MGRN1: variants seen among roughly 807,000 people sequenced by gnomAD.
MGRN1 encodes E3 ubiquitin-protein ligase MGRN1.
MGRN1 carries 29 observed loss-of-function variants against 69.2 expected under a neutral mutation model. The observed-to-expected ratio is 0.42, with a 90% CI of 0.31 to 0.57. The LOEUF is 0.57. MGRN1 is among the 20% of genes least tolerant of loss of function. The probability of loss-of-function intolerance (pLI) is 0.15; values close to 1 mark genes in which losing one functional copy is unlikely to be tolerated. For synonymous variants in MGRN1, 470 were observed against 344.2 expected, an observed-to-expected ratio of 1.37 and a Z score of -4.04; for missense variants, 998 against 796.2, an observed-to-expected ratio of 1.25 and a Z score of -3.05.
chr16:4,655,707 C>G (rs1202665179), intron 4 of MGRN1, among the ~76,000 whole-genome samples: 2 of 152,178 alleles, frequency 1.3e-5, no homozygotes, highest in Admixed American at 1.3e-4. Flanking sequence ...CAGCAGGGAT[C>G]ACAGAAAAGG....
At chr16:4,671,825 G>A (rs1376340531) in intron 9 of MGRN1, among the ~76,000 whole-genome samples, 1 of 152,202 alleles carries the variant, frequency 6.6e-6, no homozygotes, top group Non-Finnish European at 1.5e-5. Context: ...TATTCTGTAT[G>A]TCCATAGAAC....
rs191536018 is a variant in MGRN1 at position 4,668,484 on chromosome 16, C to T, written c.726+172C>T. Among the ~76,000 whole-genome samples, 578 of 151,800 alleles carry T rather than the reference C, an allele frequency of 3.8e-3. 3 individuals are homozygous for T. Among genetic ancestry groups the T allele is most frequent in the African/African-American group, 0.013 (555 of 41,378 alleles). On this transcript the variant is annotated intron_variant, in intron 8 of 16. Coordinates refer to ENST00000262370, the MANE Select transcript of MGRN1 (RefSeq NM_015246.4). ...ACATATATACGGACACACATACATACCATCAGACACTCACATTCACACATA... is the reference window on the plus strand; with the variant it reads ...ACATATATACGGACACACATACATATCATCAGACACTCACATTCACACATA...
At chr16:4,658,652 G>T (rs950790082) in intron 5 of MGRN1, among the ~76,000 whole-genome samples, 9 of 151,996 alleles carry the variant, frequency 5.9e-5, no homozygotes, top group African/African-American at 1.9e-4. Context: ...GGCCAGTCCT[G>T]TGGCTGTGTT....
chr16:4,642,173 C>G (rs1194400517), intron 1 of MGRN1, among the ~76,000 whole-genome samples: 1 of 151,378 alleles, frequency 6.6e-6, no homozygotes, highest in Non-Finnish European at 1.5e-5. Context: ...CTCTTTCGCC[C>G]AGGCTGGAGT....
intron 10 of MGRN1, among the ~76,000 whole-genome samples, chr16:4,675,201 G>GA (rs1445960190): frequency 6.6e-6 from 1 of 151,202 alleles, no homozygotes; most frequent in African/African-American, 2.4e-5. Context: ...TGAAGCTCCT[G>GA]ACCTCAAGTG....
At chr16:4,679,427 T>C (rs2079127411) in intron 11 of MGRN1, among the ~76,000 whole-genome samples, 1 of 152,154 alleles carries the variant, frequency 6.6e-6, no homozygotes, top group African/African-American at 2.4e-5. Context: ...CCGTCCTCTC[T>C]GCATGGAGCA....
chr16:4,681,577 GAGCCC>G lies in MGRN1; in HGVS notation c.1161_1165del (p.Glu387AspfsTer24). On this transcript the variant is annotated frameshift_variant, in exon 13 of 17. Transcript: ENST00000262370. LOFTEE classifies it high-confidence loss of function. ...CTCTGACAGCGTCCCACCTGGCTAC[GAGCCC>G]ATCTCGCTGCTCGAGGCGCTCAACG... 6.2e-7 allele frequency: 1 copy of G among 1,613,326 alleles called. No homozygotes were observed. The highest frequency in any genetic ancestry group is 8.5e-7 in the Non-Finnish European group (1 of 1,179,892).
Position 4,681,538 on chromosome 16 carries a change from C to G in MGRN1, c.1132-12C>G. Reference sequence around the variant, plus strand: ...CTGGGCATGAGCCCCCTCACGCACCCTGTCCCTACAGAACTCTGACAGCGT... The same window carrying G: ...CTGGGCATGAGCCCCCTCACGCACCGTGTCCCTACAGAACTCTGACAGCGT... On this transcript the variant is annotated splice_polypyrimidine_tract_variant and intron_variant, in intron 12 of 16. Coordinates refer to ENST00000262370, the MANE Select transcript of MGRN1 (RefSeq NM_015246.4). 5 of 1,607,768 alleles carry G rather than the reference C, an allele frequency of 3.1e-6. No homozygotes were observed. The highest frequency in any genetic ancestry group is 3.4e-6 in the Non-Finnish European group (4 of 1,176,042).
Position 4,690,243 on chromosome 16 carries a change from C to T in MGRN1, c.*1335C>T, listed in dbSNP as rs937635155. The T allele has an allele frequency of 2.0e-5, 3 of 152,234 alleles. No individual in the cohort carries two copies. The highest frequency in any genetic ancestry group is 1.9e-4 in the East Asian group (1 of 5,182). The allele number at this position is 152,234 out of a possible 1,614,324, so 9.4% of individuals were successfully genotyped here. On this transcript the variant is annotated 3_prime_UTR_variant, in exon 17 of 17. Coordinates refer to ENST00000262370, the MANE Select transcript of MGRN1 (RefSeq NM_015246.4). ...TGTTTGTTTTTTTAAAGGTAAACCTCCTGGGCCGCAGATGGCAAAGGGAGT... is the reference window on the plus strand; with the variant it reads ...TGTTTGTTTTTTTAAAGGTAAACCTTCTGGGCCGCAGATGGCAAAGGGAGT...
rs148083564 is a variant in MGRN1, at chr16:4,688,528, C to T, written c.1619-268C>T. On this transcript the variant is annotated intron_variant, in intron 16 of 16. Coordinates refer to ENST00000262370, the MANE Select transcript of MGRN1 (RefSeq NM_015246.4). ...GAGGGCATCCACCGCGGTGCCGTGT[C>T]GCGCTCTGACTCGGGGCTGCAGATC... 2.4e-3 allele frequency: 2,947 copies of T among 1,246,446 alleles called. 61 individuals carry two copies. In the African/African-American group the frequency reaches 0.04, roughly 17 times the overall value. The allele number at this position is 1,246,446 out of a possible 1,614,324, so 77.2% of individuals were successfully genotyped here. A position where few individuals can be genotyped will look rare whatever the true frequency, so the allele number is the denominator to read the frequency against.
chr16:4,652,591 C>T, intron 3 of MGRN1, 87 bp from the exon 4 acceptor site: 7 of 1,485,272 alleles, frequency 4.7e-6, no homozygotes, highest in Non-Finnish European at 6.3e-6. Context: ...TAGCCACCTC[C>T]ACGGCCCCTC....
intron 12 of MGRN1, 24 bp downstream of exon 12, chr16:4,680,121 CGTTTT>C: frequency 6.2e-7 from 1 of 1,611,120 alleles, no homozygotes; most frequent in Non-Finnish European, 8.5e-7. Context: ...CCTCCGGCTA[CGTTTT>C]TTTGCCCCCG....
At chr16:4,650,255 A>G in intron 1 of MGRN1, 110 bp from the exon 2 acceptor site, 1 of 770,754 alleles carries the variant, frequency 1.3e-6, no homozygotes, top group Non-Finnish European at 2.1e-6. Flanking sequence ...GTGAGCTGAG[A>G]TAGCGCCACT....
intron 1 of MGRN1, chr16:4,639,984 C>G (rs1007730330): frequency 6.6e-6 from 1 of 152,314 alleles, no homozygotes; most frequent in Non-Finnish European, 1.5e-5. Flanking sequence ...GCGTTGAGTC[C>G]GTCTGTGCAC....
chr16:4,638,416 G>T (rs2078079836), intron 1 of MGRN1, among the ~76,000 whole-genome samples: 1 of 151,796 alleles, frequency 6.6e-6, no homozygotes, highest in South Asian at 2.1e-4. Context: ...AGTGAGCCGT[G>T]ATCGTACCAC....
intron 6 of MGRN1, 70 bp downstream of exon 6, chr16:4,664,845 A>C (rs1235050940): frequency 1.0e-5 from 16 of 1,572,342 alleles, no homozygotes; most frequent in Non-Finnish European, 1.4e-5. Flanking sequence ...TTGAGGGAGG[A>C]GTGCTTGCAG....
chr16:4,628,988 C>T lies in MGRN1; in HGVS notation c.88+3940C>T, dbSNP rs1325569010. On this transcript the variant is annotated intron_variant, in intron 1 of 16. Coordinates refer to ENST00000262370, the MANE Select transcript of MGRN1 (RefSeq NM_015246.4). ...AGTAGCTGGGATTATAGGCACTGGC[C>T]ACTATGCCAGGCTAATTTTTGTATT... Among the ~76,000 whole-genome samples the T allele has an allele frequency of 1.3e-5, 2 of 152,096 alleles. 1 individual carries two copies. Among genetic ancestry groups the T allele is most frequent in the Admixed American group, 1.3e-4 (2 of 15,246 alleles).
intron 5 of MGRN1, 84 bp downstream of exon 5, chr16:4,657,447 T>TG (rs749367814): frequency 3.8e-6 from 5 of 1,317,362 alleles, no homozygotes; most frequent in East Asian, 4.7e-5. Context: ...GTGGGGTCTG[T>TG]GTGTTTGGCT....
Position 4,688,879 on chromosome 16 carries a change from C to T in MGRN1, c.1702C>T (p.Pro568Ser), listed in dbSNP as rs529248442. 1.3e-6 allele frequency: 2 copies of T among 1,552,288 alleles called. No individual in the cohort carries two copies. Among genetic ancestry groups the T allele is most frequent in the African/African-American group, 1.4e-5 (1 of 73,164 alleles). The stretch of plus-strand genomic sequence containing the variant: ...TCCACTTGGTGGCCCCAGCCCCGAT[C>T]CCAGCGCCGCCGAGCTGACCCCACT... Reference protein sequence around the residue: ...WPPLGGPSPDPSAAELTPL With the variant: ...WPPLGGPSPDSSAAELTPL The change falls in exon 17 of 17, where the codon CCC (proline) becomes TCC (serine). Residue 568 changes from proline to serine, a missense_variant. Physicochemically the swap from Pro to Ser is moderately conservative, Grantham distance 74. Coordinates refer to ENST00000262370, the MANE Select transcript of MGRN1 (RefSeq NM_015246.4).
Sources: gnomAD v4.1 joint callset for allele counts (sites outside exome capture counted in the v4.1 genomes callset) on GRCh38, gnomAD v4.1.1 for gene constraint, MANE v1.5 for transcripts, NCBI Gene and HGNC (gene_info 2026-07-23, HGNC 2026-07-21) for gene names.